The following ADARB2 variants were observed in gnomAD, a reference collection of about 807,000 sequenced individuals.
ADARB2 encodes the protein inactive double-stranded RNA-specific editase B2.
ADARB2 carries 25 observed loss-of-function variants against 62.2 expected under a neutral mutation model. The observed-to-expected ratio is 0.40, with a 90% CI of 0.29 to 0.56. The LOEUF (loss-of-function observed/expected upper bound fraction) is 0.56, where lower values mean the gene tolerates loss of function less well. Among genes scored for constraint, ADARB2 ranks in the 20% least tolerant of loss-of-function variants. The pLI is 0.43. For synonymous variants in ADARB2, 572 were observed against 500.8 expected, an observed-to-expected ratio of 1.14 and a Z score of -1.90; for missense variants, 1,071 against 1,077.4, an observed-to-expected ratio of 0.99 and a Z score of 0.08.
At chr10:1,346,000 GC>G (rs1832077301) in intron 3 of ADARB2, among the ~76,000 whole-genome samples, 1 of 152,146 alleles carries the variant, frequency 6.6e-6, no homozygotes, top group African/African-American at 2.4e-5. Context: ...GGCAGAGGAT[GC>G]CTTCCACCAC....
rs1383548466 is a variant in ADARB2 at position 1,276,637 on chromosome 10, A to T, written c.1078-5568T>A. Among the ~76,000 whole-genome samples, 99 of 152,278 alleles carry T rather than the reference A, an allele frequency of 6.5e-4. No individual in the cohort carries two copies. In the Middle Eastern group the frequency reaches 0.01, roughly 16 times the overall value. ...CTTAGAGACCTACGAAAAGACTTAG[A>T]CTCCCAAACAATAATAACGGGAGAC... On this transcript the variant is annotated intron_variant, in intron 3 of 9. Coordinates refer to ENST00000381312, the MANE Select transcript of ADARB2 (RefSeq NM_018702.4).
At chr10:1,685,941 A>G (rs1282279202) in intron 1 of ADARB2, among the ~76,000 whole-genome samples, 6 of 152,216 alleles carry the variant, frequency 3.9e-5, no homozygotes, top group Admixed American at 1.3e-4. Flanking sequence ...ATGGGCTGCA[A>G]TGTGGACTCT....
At chr10:1,643,263 G>A (rs1833999832) in intron 1 of ADARB2, among the ~76,000 whole-genome samples, 1 of 152,216 alleles carries the variant, frequency 6.6e-6, no homozygotes, top group Admixed American at 6.5e-5. Flanking sequence ...TGTTTTACAT[G>A]AAAGGGCTGG....
intron 1 of ADARB2, among the ~76,000 whole-genome samples, chr10:1,556,232 A>G (rs755560229): frequency 4.0e-5 from 6 of 150,748 alleles, no homozygotes; most frequent in Admixed American, 2.0e-4. Flanking sequence ...GAGCACCTTC[A>G]AAGAAAGCCT....
At chr10:1,652,865 C>T (rs1834128252) in intron 1 of ADARB2, among the ~76,000 whole-genome samples, 1 of 152,152 alleles carries the variant, frequency 6.6e-6, no homozygotes, top group Non-Finnish European at 1.5e-5. Context: ...ACAAACCAGC[C>T]GATCCGTGAC....
chr10:1,383,519 T>C (rs1019487160), intron 1 of ADARB2, among the ~76,000 whole-genome samples: 10 of 152,272 alleles, frequency 6.6e-5, no homozygotes, highest in African/African-American at 2.4e-4. Context: ...CAGGAATTCA[T>C]GAGTCCCCTG....
chr10:1,614,469 G>A (rs953522770), intron 1 of ADARB2, among the ~76,000 whole-genome samples: 7 of 152,252 alleles, frequency 4.6e-5, no homozygotes, highest in African/African-American at 1.7e-4. Flanking sequence ...AAACATGGGA[G>A]ATGTTGCTCT....
intron 1 of ADARB2, among the ~76,000 whole-genome samples, chr10:1,706,261 T>C (rs940031247): frequency 6.6e-6 from 1 of 152,224 alleles, no homozygotes; most frequent in African/African-American, 2.4e-5. Context: ...GCCATACTTA[T>C]CGACATGGCT....
chr10:1,489,898 G>T (rs557086892), intron 1 of ADARB2, among the ~76,000 whole-genome samples: 1 of 152,244 alleles, frequency 6.6e-6, no homozygotes, highest in South Asian at 2.1e-4. Context: ...AAAATACTGT[G>T]GGATATTTAA....
Position 1,477,049 on chromosome 10 carries a change from C to T in ADARB2, c.101-97889G>A, listed in dbSNP as rs183629686. Among the ~76,000 whole-genome samples the T allele has an allele frequency of 1.8e-4, 27 of 152,248 alleles. No individual in the cohort carries two copies. The highest frequency in any genetic ancestry group is 3.9e-4 in the East Asian group (2 of 5,170). On this transcript the variant is annotated intron_variant, in intron 1 of 9. Coordinates refer to ENST00000381312, the MANE Select transcript of ADARB2 (RefSeq NM_018702.4). This position sits in a 1 kb window ranked among gnomAD's most constrained non-coding sequence, Gnocchi z 4.5. ...TCTCCCCAGATCCCCACCTGGCCTA[C>T]GATCCAACCCCTAGAGCACCTTCAC...
chr10:1,388,529 G>A (rs1354372650), intron 1 of ADARB2, among the ~76,000 whole-genome samples: 1 of 152,006 alleles, frequency 6.6e-6, no homozygotes, highest in African/African-American at 2.4e-5. Context: ...AAGGTCACAG[G>A]ACAGAACTCC....
intron 1 of ADARB2, among the ~76,000 whole-genome samples, chr10:1,724,033 G>A (rs976011144): frequency 2.0e-5 from 3 of 152,158 alleles, no homozygotes; most frequent in African/African-American, 7.2e-5. Flanking sequence ...TCTCTGTCAT[G>A]GGCTGAATGG....
rs371856728 is a variant in ADARB2, at chr10:1,242,274, G to C, written c.1218C>G (p.Val406=). The stretch of plus-strand genomic sequence containing the variant: ...ACTTGGTCCCCGAGGACAGGGCCAC[G>C]ACCTGCGCCTGCCGAGCATCCAGGC... ...TKGLDARQAQ[V]VALSSGTKCI... Residue 406 remains valine, a synonymous_variant, in exon 5 of 10, where the codon GTC becomes GTG. Coordinates refer to ENST00000381312, the MANE Select transcript of ADARB2 (RefSeq NM_018702.4). 2 of 1,571,878 alleles carry C rather than the reference G, an allele frequency of 1.3e-6. No individual in the cohort carries two copies. Among genetic ancestry groups the C allele is most frequent in the Non-Finnish European group, 1.7e-6 (2 of 1,160,660 alleles).
chr10:1,613,703 C>T (rs1171741956), intron 1 of ADARB2, among the ~76,000 whole-genome samples: 1 of 152,208 alleles, frequency 6.6e-6, no homozygotes, highest in Non-Finnish European at 1.5e-5. Flanking sequence ...GTTGAATAGA[C>T]ATGTTTCTTA....
At position 1,184,862 on chromosome 10, in the gene ADARB2, C is replaced by G; in HGVS notation, c.2042G>C (p.Arg681Thr). 1 of 1,612,226 alleles carries G rather than the reference C, an allele frequency of 6.2e-7. No homozygotes were observed. Among genetic ancestry groups the G allele is most frequent in the Non-Finnish European group, 8.5e-7 (1 of 1,179,152 alleles). The change falls in exon 9 of 10, where the codon AGG (arginine) becomes ACG (threonine). Residue 681 changes from arginine (R) to threonine (T), a missense_variant and splice_region_variant. Coordinates refer to ENST00000381312, the MANE Select transcript of ADARB2 (RefSeq NM_018702.4). ...CCTGCAAGGATGGGTGCGACCTACC[C>G]TGCCATACAGCCGCGCCCACCGTGC... ...LSARWARLYG[R>T]LSTRTPSPGD... is the part of the protein sequence containing the mutation.
Position 1,180,766 on chromosome 10 carries a change from G to A in ADARB2, c.*2427C>T, listed in dbSNP as rs1294811571. The A allele has an allele frequency of 6.6e-6, 1 of 152,276 alleles. No homozygotes were observed. Among genetic ancestry groups the A allele is most frequent in the Non-Finnish European group, 1.5e-5 (1 of 68,116 alleles). The allele number at this position is 152,276 out of a possible 1,614,324, so 9.4% of individuals were successfully genotyped here. ...CATTGGAAACTCTTCTGTCGCTATCGGCCTTCTCTGAAGAGCTTTAATCTC... is the reference window on the plus strand; with the variant it reads ...CATTGGAAACTCTTCTGTCGCTATCAGCCTTCTCTGAAGAGCTTTAATCTC... On this transcript the variant is annotated 3_prime_UTR_variant, in exon 10 of 10. Transcript: ENST00000381312.
intron 1 of ADARB2, among the ~76,000 whole-genome samples, chr10:1,674,720 G>A (rs1318880127): frequency 6.6e-6 from 1 of 152,170 alleles, no homozygotes; most frequent in East Asian, 1.9e-4. Flanking sequence ...CTCATCAACT[G>A]TAAGTGAGTA....
At chr10:1,190,445 A>G (rs1391083647) in intron 8 of ADARB2, among the ~76,000 whole-genome samples, 4 of 152,264 alleles carry the variant, frequency 2.6e-5, no homozygotes, top group African/African-American at 9.6e-5. Flanking sequence ...ACATGCACAG[A>G]AAATTGTACT....
chr10:1,730,364 T>C (rs1053053316), intron 1 of ADARB2, among the ~76,000 whole-genome samples: 5 of 152,212 alleles, frequency 3.3e-5, no homozygotes, highest in African/African-American at 4.8e-5. Context: ...CTCTTTCTGA[T>C]CCGTGGGAGA....
Sources: gnomAD v4.1 joint callset for allele counts (sites outside exome capture counted in the v4.1 genomes callset) on GRCh38, gnomAD v4.1.1 for gene constraint, Gnocchi (gnomAD v3.1) non-coding constraint, MANE v1.5 for transcripts, NCBI Gene and HGNC (gene_info 2026-07-23, HGNC 2026-07-21) for gene names.